Variants in TCAIM observed in about 807,000 individuals in gnomAD.
The protein encoded by TCAIM is T-cell activation inhibitor, mitochondrial.
A neutral mutation model predicts 58.6 loss-of-function variants in TCAIM; 36 were observed. The ratio of observed to expected loss-of-function variants is 0.61; its 90% CI spans 0.47 to 0.81. The LOEUF is 0.81. Among genes scored for constraint, TCAIM ranks in the 30% least tolerant of loss-of-function variants. The probability of loss-of-function intolerance (pLI) is 0.00; values close to 1 mark genes in which losing one functional copy is unlikely to be tolerated. For missense variants in TCAIM, 466 were observed against 579.6 expected, an observed-to-expected ratio of 0.80 and a Z score of 2.01; for synonymous variants, 172 against 193.6, an observed-to-expected ratio of 0.89 and a Z score of 0.93.
chr3:44,405,490 TG>T (rs1702085610), intron 10 of TCAIM, among the ~76,000 whole-genome samples: 2 of 151,906 alleles, frequency 1.3e-5, no homozygotes, highest in East Asian at 3.9e-4. Flanking sequence ...CTGGGCTACA[TG>T]GTGAGACCTC....
chr3:44,362,375 C>A (rs1701307241), intron 4 of TCAIM: 2 of 400,776 alleles, frequency 5.0e-6, no homozygotes, highest in East Asian at 7.1e-5. Context: ...AGGCCACTCA[C>A]ATGGAAGATC....
chr3:44,366,463 G>GTTTTTTTTTT (rs11310204), intron 4 of TCAIM, among the ~76,000 whole-genome samples: 1 of 83,036 alleles, frequency 1.2e-5, no homozygotes, highest in Non-Finnish European at 2.3e-5. Context: ...AATTTTTGTT[G>GTTTTTTTTTT]TTTTTTTTTT....
At chr3:44,357,231 G>C (rs1701211216) in intron 2 of TCAIM, among the ~76,000 whole-genome samples, 1 of 151,356 alleles carries the variant, frequency 6.6e-6, no homozygotes, top group Admixed American at 6.6e-5. Context: ...AGTTGGGTGT[G>C]GTGGCACGTG....
chr3:44,377,358 C>G (rs1701582119), intron 5 of TCAIM, among the ~76,000 whole-genome samples: 1 of 152,086 alleles, frequency 6.6e-6, no homozygotes, highest in African/African-American at 2.4e-5. Flanking sequence ...AATACCTGAT[C>G]ATCAAAATAT....
chr3:44,380,480 A>G (rs1701638955), intron 5 of TCAIM, among the ~76,000 whole-genome samples: 1 of 152,164 alleles, frequency 6.6e-6, no homozygotes, highest in Non-Finnish European at 1.5e-5. Flanking sequence ...TATGGGACCC[A>G]GCAAATTCAG....
intron 1 of TCAIM, among the ~76,000 whole-genome samples, chr3:44,350,262 A>G (rs1701060276): frequency 6.6e-6 from 1 of 152,156 alleles, no homozygotes; most frequent in South Asian, 2.1e-4. Flanking sequence ...CTTCTGAGCC[A>G]GGAGAAGAAG....
chr3:44,401,254 ACT>A lies in TCAIM; in HGVS notation c.1173_1174del (p.Cys392Ter). Reference sequence around the variant, plus strand: ...AACTCGGGCATTTTAATATTCCAACACTCTGTGATCCAGCAAATCTCCAGTGG... The same window carrying A: ...AACTCGGGCATTTTAATATTCCAACACTGTGATCCAGCAAATCTCCAGTGG... ...HELGHFNIPT[L>X]CDPANLQWFI... is the part of the protein sequence containing the mutation. On this transcript the variant is annotated frameshift_variant, in exon 10 of 11. Transcript: ENST00000342649. LOFTEE classifies it high-confidence loss of function. 6.2e-7 allele frequency: 1 copy of A among 1,613,922 alleles called. No individual in the cohort carries two copies. The highest frequency in any genetic ancestry group is 8.5e-7 in the Non-Finnish European group (1 of 1,179,968).
chr3:44,369,977 C>G (rs1219779136), intron 5 of TCAIM, among the ~76,000 whole-genome samples: 1 of 152,092 alleles, frequency 6.6e-6, no homozygotes, highest in African/African-American at 2.4e-5. Context: ...TCTTAAAGTG[C>G]TTCTGTTAAT....
intron 1 of TCAIM, among the ~76,000 whole-genome samples, chr3:44,343,146 AAAG>A (rs201722024): frequency 0.036 from 5,493 of 152,072 alleles, 340 homozygotes; most frequent in African/African-American, 0.12. Context: ...CAAAAAAAAA[AAAG>A]AAGAAATGTT....
At chr3:44,396,931 T>G (rs1701945031) in intron 8 of TCAIM, 97 bp downstream of exon 8, 14 of 1,156,834 alleles carry the variant, frequency 1.2e-5, no homozygotes, top group African/African-American at 1.6e-5. Context: ...AGGTTTGTTG[T>G]GTTTTTGTTT....
intron 2 of TCAIM, among the ~76,000 whole-genome samples, chr3:44,356,820 A>AC (rs1373199945): frequency 1.4e-5 from 2 of 144,618 alleles, no homozygotes; most frequent in Non-Finnish European, 3.1e-5. Context: ...ACAAAAAAAA[A>AC]AAAAAAACAG....
chr3:44,374,985 T>G (rs1056029628), intron 5 of TCAIM, among the ~76,000 whole-genome samples: 1 of 152,210 alleles, frequency 6.6e-6, no homozygotes, highest in Non-Finnish European at 1.5e-5. Flanking sequence ...ACTATTTTTA[T>G]TTCAAAAGCA....
chr3:44,338,612 A>C (rs1160756689), upstream of TCAIM: 1 of 152,788 alleles, frequency 6.5e-6, no homozygotes, highest in East Asian at 1.9e-4. Flanking sequence ...GGGGGCTCAG[A>C]GGGCACTGCG....
At chr3:44,382,049 C>G (rs1162538892) in intron 5 of TCAIM, among the ~76,000 whole-genome samples, 1 of 151,956 alleles carries the variant, frequency 6.6e-6, no homozygotes, top group East Asian at 1.9e-4. Context: ...ATGTCAATAC[C>G]CAAAGCAAGT....
intron 3 of TCAIM, chr3:44,358,764 G>T (rs1417098176): frequency 1.0e-6 from 1 of 985,424 alleles, no homozygotes; most frequent in African/African-American, 1.7e-5. Flanking sequence ...AATTACTTCA[G>T]TGTTCCTTCT....
intron 8 of TCAIM, among the ~76,000 whole-genome samples, chr3:44,399,594 A>C (rs1701991191): frequency 6.6e-6 from 1 of 151,956 alleles, no homozygotes; most frequent in African/African-American, 2.4e-5. Flanking sequence ...AGCCATACCA[A>C]ACTCCTTATT....
At chr3:44,404,654 C>T (rs180670641) in intron 10 of TCAIM, among the ~76,000 whole-genome samples, 13 of 151,974 alleles carry the variant, frequency 8.6e-5, no homozygotes, top group African/African-American at 2.7e-4. Flanking sequence ...TCATTATATT[C>T]GAAGAGCAGT....
At chr3:44,347,752 A>G (rs1700999451) in intron 1 of TCAIM, among the ~76,000 whole-genome samples, 1 of 152,164 alleles carries the variant, frequency 6.6e-6, no homozygotes, top group Admixed American at 6.5e-5. Flanking sequence ...CTTTTAAAGT[A>G]TGCTGTGGGA....
chr3:44,392,689 G>T (rs1156539108), intron 5 of TCAIM, among the ~76,000 whole-genome samples, 166 bp from the exon 6 acceptor site: 1 of 152,074 alleles, frequency 6.6e-6, no homozygotes, highest in East Asian at 1.9e-4. Context: ...GTATTCTATG[G>T]TATATATGTA....
Sources: gnomAD v4.1 joint callset for allele counts (sites outside exome capture counted in the v4.1 genomes callset) on GRCh38, gnomAD v4.1.1 for gene constraint, MANE v1.5 for transcripts, NCBI Gene and HGNC (gene_info 2026-07-23, HGNC 2026-07-21) for gene names.